The following RAB18 variants were observed in gnomAD, a reference collection of about 807,000 sequenced individuals.
RAB18 encodes the protein ras-related protein Rab-18.
RAB18 carries 10 observed loss-of-function variants against 28.5 expected under a neutral mutation model. The observed-to-expected ratio is 0.35, with a 90% CI of 0.22 to 0.60. RAB18 has a LOEUF of 0.60. Among genes scored for constraint, RAB18 ranks in the 20% least tolerant of loss-of-function variants. The probability of loss-of-function intolerance (pLI) is 0.78; values close to 1 mark genes in which losing one functional copy is unlikely to be tolerated. For synonymous variants in RAB18, 93 were observed against 86.9 expected (o/e 1.07, Z -0.39); for missense variants, 188 against 244.2 (o/e 0.77, Z 1.53).
chr10:27,514,043 AC>A (rs1180289433), intron 2 of RAB18: 1 of 152,198 alleles, frequency 6.6e-6, no homozygotes, highest in Non-Finnish European at 1.5e-5. Flanking sequence ...AAAATGCTAA[AC>A]TGTCTCTTAG....
intron 2 of RAB18, among the ~76,000 whole-genome samples, chr10:27,513,214 T>C (rs1055692270): frequency 6.6e-6 from 1 of 151,870 alleles, no homozygotes; most frequent in Admixed American, 6.5e-5. Flanking sequence ...TTTATGTTTT[T>C]AGTAGAGATG....
intron 2 of RAB18, among the ~76,000 whole-genome samples, chr10:27,518,529 C>T (rs945850117): frequency 6.6e-6 from 1 of 152,042 alleles, no homozygotes; most frequent in Non-Finnish European, 1.5e-5. Context: ...ATCTTTTTAA[C>T]GTCTATATGC....
chr10:27,527,258 A>G (rs1834693246), intron 3 of RAB18, among the ~76,000 whole-genome samples: 2 of 152,180 alleles, frequency 1.3e-5, no homozygotes, highest in Admixed American at 6.5e-5. Flanking sequence ...ATGACGTGAT[A>G]TTTAGGAAAA....
chr10:27,535,224 A>G (rs1167392767), intron 6 of RAB18, among the ~76,000 whole-genome samples: 1 of 152,130 alleles, frequency 6.6e-6, no homozygotes, highest in Non-Finnish European at 1.5e-5. Flanking sequence ...CCCAACACAA[A>G]TTTGTAAACT....
rs1834996936 is a variant in RAB18, at chr10:27,540,358, A to G, written c.*2307A>G. On this transcript the variant is annotated 3_prime_UTR_variant, in exon 7 of 7. Transcript: ENST00000356940. ...CTACTCAGTCACTGAGCTGGATTCC[A>G]GTCATGGCATTTTTACTTCTGAGCC... 1 of 453,978 alleles carries G rather than the reference A, an allele frequency of 2.2e-6. No individual in the cohort carries two copies. The allele number at this position is 453,978 out of a possible 1,614,324, so 28.1% of individuals were successfully genotyped here. A position where few individuals can be genotyped will look rare whatever the true frequency, so the allele number is the denominator to read the frequency against.
At chr10:27,505,363 A>G (rs1387782199) in intron 1 of RAB18, among the ~76,000 whole-genome samples, 1 of 152,156 alleles carries the variant, frequency 6.6e-6, no homozygotes, top group Non-Finnish European at 1.5e-5. Context: ...TCAGTTTCAT[A>G]TTTTAGCTAT....
chr10:27,509,644 A>G (rs1190422351), intron 1 of RAB18, among the ~76,000 whole-genome samples: 1 of 152,184 alleles, frequency 6.6e-6, no homozygotes, highest in Non-Finnish European at 1.5e-5. Context: ...GTAGGAGAGC[A>G]CGGGGAATAT....
At chr10:27,528,844 T>C (rs1834731443) in intron 3 of RAB18, among the ~76,000 whole-genome samples, 1 of 152,066 alleles carries the variant, frequency 6.6e-6, no homozygotes. Context: ...TGTATTCATA[T>C]TCATTCTGCC....
intron 2 of RAB18, among the ~76,000 whole-genome samples, chr10:27,520,447 T>C (rs1210751322): frequency 6.6e-6 from 1 of 152,140 alleles, no homozygotes; most frequent in Non-Finnish European, 1.5e-5. Flanking sequence ...AAAACAACTT[T>C]GGTTATCAGT....
chr10:27,514,064 T>G (rs112578859), intron 2 of RAB18: 21 of 152,358 alleles, frequency 1.4e-4, no homozygotes, highest in African/African-American at 5.1e-4. Context: ...GGTAAATCTC[T>G]GAATCACGAA....
At chr10:27,529,951 G>C (rs920761418) in intron 3 of RAB18, among the ~76,000 whole-genome samples, 1 of 151,970 alleles carries the variant, frequency 6.6e-6, no homozygotes, top group African/African-American at 2.4e-5. Context: ...AAGTTTCAAA[G>C]TCAAGTGTAA....
At chr10:27,509,807 C>A in intron 1 of RAB18, 68 bp from the exon 2 acceptor site, 2 of 1,280,864 alleles carry the variant, frequency 1.6e-6, no homozygotes, top group South Asian at 1.2e-5. Context: ...ACCAAATAAT[C>A]ATGAACACAT....
Position 27,541,883 on chromosome 10 carries a change from C to A in RAB18, c.*3832C>A, listed in dbSNP as rs373663292. ...TGTGGTTTGGGTGGCATTGTCACAC[C>A]CTCGGCTTTCTAGATTAACCCAGTT... is the stretch of plus-strand genomic sequence containing the variant. On this transcript the variant is annotated 3_prime_UTR_variant, in exon 7 of 7. Transcript: ENST00000356940. The A allele has an allele frequency of 9.0e-5, 41 of 453,804 alleles. 1 individual carries two copies. In the East Asian group the frequency reaches 1.4e-3, roughly 15 times the overall value. The allele number at this position is 453,804 out of a possible 1,614,324, so 28.1% of individuals were successfully genotyped here.
chr10:27,524,329 GAGTC>G (rs1285314487), intron 2 of RAB18, among the ~76,000 whole-genome samples: 1 of 152,110 alleles, frequency 6.6e-6, no homozygotes, highest in Non-Finnish European at 1.5e-5. Context: ...TGTCAGTTCT[GAGTC>G]AGTTTCTATT....
Position 27,539,115 on chromosome 10 carries a change from G to T in RAB18, c.*1064G>T. ...CAATTTACTTAACAAGTAACCAGTA[G>T]TTCATCAAAACCAACTTGTACAGAC... On this transcript the variant is annotated 3_prime_UTR_variant, in exon 7 of 7. Coordinates refer to ENST00000356940, the MANE Select transcript of RAB18 (RefSeq NM_021252.5). The T allele has an allele frequency of 2.5e-6, 1 of 404,532 alleles. No homozygotes were observed. Among genetic ancestry groups the T allele is most frequent in the Non-Finnish European group, 4.9e-6 (1 of 204,092 alleles). 25.1% of individuals were successfully genotyped at this position (404,532 alleles called of 1,614,324 possible). A position where few individuals can be genotyped will look rare whatever the true frequency, so the allele number is the denominator to read the frequency against.
At chr10:27,532,863 A>G (rs191797950) in intron 4 of RAB18, among the ~76,000 whole-genome samples, 185 of 152,232 alleles carry the variant, frequency 1.2e-3, no homozygotes, top group African/African-American at 4.1e-3. Context: ...GTCTTGGAGT[A>G]TTACAGAAAC....
At chr10:27,520,045 A>G (rs1306244707) in intron 2 of RAB18, among the ~76,000 whole-genome samples, 4 of 152,180 alleles carry the variant, frequency 2.6e-5, no homozygotes, top group Admixed American at 6.5e-5. Flanking sequence ...GATGATGATC[A>G]TGTGTTTAAA....
intron 1 of RAB18, chr10:27,504,703 A>G: frequency 1.4e-6 from 1 of 695,370 alleles, no homozygotes. Context: ...CACCATTCCG[A>G]GGGCCGCCGC....
intron 1 of RAB18, among the ~76,000 whole-genome samples, chr10:27,508,096 ACT>A (rs1837895056): frequency 6.6e-6 from 1 of 151,454 alleles, no homozygotes; most frequent in African/African-American, 2.4e-5. Context: ...AGAGAAATGG[ACT>A]CTCTGTCCCT....
Sources: gnomAD v4.1 joint callset for allele counts (sites outside exome capture counted in the v4.1 genomes callset) on GRCh38, gnomAD v4.1.1 for gene constraint, MANE v1.5 for transcripts, NCBI Gene and HGNC (gene_info 2026-07-23, HGNC 2026-07-21) for gene names.